The following KNL1 variants were observed in gnomAD, a reference collection of about 807,000 sequenced individuals.
The protein encoded by KNL1 is outer kinetochore KNL1 complex subunit KNL1.
In KNL1, 66 loss-of-function variants were observed where a neutral mutation model predicts 201.3. The observed-to-expected ratio is 0.33, with a 90% CI of 0.27 to 0.40. KNL1 has a LOEUF of 0.40. KNL1 is among the 10% of genes least tolerant of loss of function. KNL1 has a pLI of 1.00. For synonymous variants in KNL1, 895 were observed against 899.2 expected (o/e 1.00, Z 0.08); for missense variants, 2,815 against 2,690.5 (o/e 1.05, Z -1.02).
In KNL1 at chr15:40,624,464, T is replaced by C; in HGVS notation, c.4200T>C (p.Ala1400=). The C allele has an allele frequency of 6.2e-7, 1 of 1,613,832 alleles. No homozygotes were observed. Among genetic ancestry groups the C allele is most frequent in the South Asian group, 1.1e-5 (1 of 91,082 alleles). Residue 1400 remains alanine, a synonymous_variant, in exon 10 of 26, where the codon GCT becomes GCC. Transcript: ENST00000399668. ...DLIKDPRNLL[A]NQTLVYSQDL... ...TTAAGGATCCACGAAATCTATTGGC[T>C]AATCAAACTTTAGTATATAGTCAAG... is the stretch of plus-strand genomic sequence containing the variant.
chr15:40,647,343 C>T (rs532282959), intron 17 of KNL1, among the ~76,000 whole-genome samples: 2 of 151,854 alleles, frequency 1.3e-5, no homozygotes, highest in African/African-American at 4.8e-5. Flanking sequence ...GGCGTGGTGA[C>T]GGGCGCCTGT....
At chr15:40,639,442 G>A (rs943200030) in intron 13 of KNL1, among the ~76,000 whole-genome samples, 9 of 151,558 alleles carry the variant, frequency 5.9e-5, no homozygotes, top group Non-Finnish European at 8.8e-5. Context: ...AAAAGTAGCC[G>A]GGCGTGGTGG....
At chr15:40,599,312 CAAAAA>C (rs547293277) in intron 1 of KNL1, among the ~76,000 whole-genome samples, 2 of 57,160 alleles carry the variant, frequency 3.5e-5, no homozygotes, top group Non-Finnish European at 3.6e-5. Context: ...GATTCTGCCT[CAAAAA>C]AAAAAAAAAA....
At chr15:40,635,534 A>G (rs1399916863) in intron 13 of KNL1, among the ~76,000 whole-genome samples, 1 of 151,810 alleles carries the variant, frequency 6.6e-6, no homozygotes, top group Non-Finnish European at 1.5e-5. Context: ...TTGTATTTTT[A>G]GTAGAGGCAG....
chr15:40,653,909 T>A (rs1196196615), intron 21 of KNL1, among the ~76,000 whole-genome samples: 1 of 152,186 alleles, frequency 6.6e-6, no homozygotes, highest in Non-Finnish European at 1.5e-5. Context: ...CTACTAATAA[T>A]TGTAAGAGCT....
chr15:40,663,648 A>G lies in KNL1; in HGVS notation c.*1460A>G, dbSNP rs1057024364. The G allele has an allele frequency of 5.1e-6, 1 of 195,480 alleles. No individual in the cohort carries two copies. The highest frequency in any genetic ancestry group is 1.1e-5 in the Non-Finnish European group (1 of 93,948). 12.1% of individuals were successfully genotyped at this position (195,480 alleles called of 1,614,324 possible). A position where few individuals can be genotyped will look rare whatever the true frequency, so the allele number is the denominator to read the frequency against. ...TAGCAGTAATAATAGACTTGCTGTA[A>G]GTATTGTTTTCTGATGCCATACCCT... On this transcript the variant is annotated 3_prime_UTR_variant, in exon 26 of 26. Coordinates refer to ENST00000399668, the MANE Select transcript of KNL1 (RefSeq NM_144508.5).
rs180921060 is a variant in KNL1 at position 40,609,001 on chromosome 15, T to C, written c.197+93T>C. Reference sequence around the variant, plus strand: ...TTGGTACTGACTTGAATAATCTGTTTTGATTAAACATTAGTTATTCTTCAA... The same window carrying C: ...TTGGTACTGACTTGAATAATCTGTTCTGATTAAACATTAGTTATTCTTCAA... On this transcript the variant is annotated intron_variant, in intron 5 of 25. Coordinates refer to ENST00000399668, the MANE Select transcript of KNL1 (RefSeq NM_144508.5). 35 of 777,100 alleles carry C rather than the reference T, an allele frequency of 4.5e-5. 1 individual carries two copies. In the Admixed American group the frequency reaches 6.8e-4, roughly 15 times the overall value. The allele number at this position is 777,100 out of a possible 1,614,324, so 48.1% of individuals were successfully genotyped here.
chr15:40,603,191 C>T (rs1891864156), intron 2 of KNL1, among the ~76,000 whole-genome samples: 1 of 152,078 alleles, frequency 6.6e-6, no homozygotes, highest in Non-Finnish European at 1.5e-5. Flanking sequence ...CTGCACCCAT[C>T]AACTCATTTA....
chr15:40,616,102 A>G lies in KNL1; in HGVS notation c.322+724A>G, dbSNP rs143684206. Among the ~76,000 whole-genome samples the G allele has an allele frequency of 6.9e-3, 1,010 of 146,472 alleles. 9 individuals are homozygous for G. The highest frequency in any genetic ancestry group is 0.03 in the Middle Eastern group (8 of 270). On this transcript the variant is annotated intron_variant, in intron 8 of 25. Coordinates refer to ENST00000399668, the MANE Select transcript of KNL1 (RefSeq NM_144508.5). ...CTTTACACATTGTCTTCAATTTAAA[A>G]TTTCACAGGCTCACTATTACTTCTT...
At position 40,622,504 on chromosome 15, in the gene KNL1, A is replaced by G. The variant is rs780189314; in HGVS notation, c.2240A>G (p.Tyr747Cys). 1.5e-5 allele frequency: 25 copies of G among 1,613,906 alleles called. No homozygotes were observed. Among genetic ancestry groups the G allele is most frequent in the South Asian group, 3.3e-5 (3 of 91,078 alleles). Residue 747 changes from tyrosine (Y) to cysteine (C), a missense_variant, in exon 10 of 26, where the codon TAT (tyrosine) becomes TGT (cysteine). Around this residue, in one of 3 missense-constraint regions of KNL1, gnomAD observed 2,464 missense variants for 2,291.7 expected, o/e 1.08. Transcript: ENST00000399668. ...AGTTTAAGCAATCCCACACCTGACT[A>G]TTGCCATGACAAGATGATTATATGT... ...RKSLSNPTPD[Y>C]CHDKMIICSE...
intron 10 of KNL1, 95 bp downstream of exon 10, chr15:40,625,735 C>G (rs771502805): frequency 3.3e-6 from 3 of 897,698 alleles, no homozygotes; most frequent in Non-Finnish European, 5.2e-6. Context: ...ATCTTAGTCT[C>G]GGGTAGGCAG....
At chr15:40,647,784 G>A (rs535145946) in intron 17 of KNL1, among the ~76,000 whole-genome samples, 31 of 152,270 alleles carry the variant, frequency 2.0e-4, no homozygotes, top group African/African-American at 7.0e-4. Context: ...TGACACTGAT[G>A]ACTGTTCTTT....
chr15:40,602,291 C>G (rs1891828044), intron 1 of KNL1, among the ~76,000 whole-genome samples: 1 of 143,252 alleles, frequency 7.0e-6, no homozygotes, highest in Non-Finnish European at 1.5e-5. Flanking sequence ...CCTCGGCCTC[C>G]CAAAGTGCTG....
intron 1 of KNL1, among the ~76,000 whole-genome samples, chr15:40,599,955 C>T (rs1281427557): frequency 1.3e-5 from 2 of 151,966 alleles, no homozygotes; most frequent in Non-Finnish European, 2.9e-5. Flanking sequence ...GGACTGCAGG[C>T]ACATTGCCCC....
chr15:40,639,610 A>AT (rs1376654909), intron 13 of KNL1, among the ~76,000 whole-genome samples: 6 of 151,170 alleles, frequency 4.0e-5, no homozygotes, highest in African/African-American at 1.5e-4. Flanking sequence ...GAAAAAAAAA[A>AT]TTTTTTTTAA....
intron 22 of KNL1, 45 bp downstream of exon 22, chr15:40,655,022 G>A: frequency 6.9e-7 from 1 of 1,452,866 alleles, no homozygotes; most frequent in Non-Finnish European, 9.6e-7. Context: ...TTGGGGCTGG[G>A]CACTATGGCT....
Position 40,640,909 on chromosome 15 carries a change from C to T in KNL1, c.5683-3C>T, listed in dbSNP as rs1254834236. 9 of 1,583,802 alleles carry T rather than the reference C, an allele frequency of 5.7e-6. No individual in the cohort carries two copies. The highest frequency in any genetic ancestry group is 1.4e-5 in the African/African-American group (1 of 73,576). On this transcript the variant is annotated splice_polypyrimidine_tract_variant and splice_region_variant and intron_variant, in intron 13 of 25. Transcript: ENST00000399668. ...TTCTCAGGGACTGAATTTTTTTTTC[C>T]AGTTTACTGTAAACACACCACCTAC...
At chr15:40,619,115 A>G in intron 9 of KNL1, 104 bp downstream of exon 9, 1 of 814,552 alleles carries the variant, frequency 1.2e-6, no homozygotes, top group Non-Finnish European at 2.1e-6. Context: ...ACTTAAAAAA[A>G]TGAATCAGCA....
At chr15:40,634,626 G>A (rs1893003885) in intron 13 of KNL1, among the ~76,000 whole-genome samples, 1 of 152,104 alleles carries the variant, frequency 6.6e-6, no homozygotes, top group Admixed American at 6.6e-5. Flanking sequence ...GAATCCTCTT[G>A]CCTCAGCTAT....
Sources: allele counts gnomAD v4.1 joint callset (sites outside exome capture counted in the v4.1 genomes callset), GRCh38; gene constraint gnomAD v4.1.1; regional missense constraint gnomAD v4.1.1; transcripts MANE v1.5; gene names NCBI Gene and HGNC (gene_info 2026-07-23, HGNC 2026-07-21).